Variants in STAT2 observed in about 807,000 individuals in gnomAD.
The protein encoded by STAT2 is interferon alpha induced transcriptional activator.
Under a neutral mutation model 122.3 loss-of-function variants are expected in STAT2, and 51 were observed. The ratio of observed to expected loss-of-function variants is 0.42; its 90% CI spans 0.33 to 0.53. STAT2 has a LOEUF of 0.53. Among genes scored for constraint, STAT2 ranks in the 20% least tolerant of loss-of-function variants. The probability of loss-of-function intolerance (pLI) is 0.10; values close to 1 mark genes in which losing one functional copy is unlikely to be tolerated. For synonymous variants in STAT2, 351 were observed against 394.9 expected, an observed-to-expected ratio of 0.89 and a Z score of 1.32; for missense variants, 736 against 1,010.3, an observed-to-expected ratio of 0.73 and a Z score of 3.68.
At position 56,360,079 on chromosome 12, in the gene STAT2, G is replaced by A. The variant is rs369883664; in HGVS notation, c.-29C>T. 26 of 984,674 alleles carry A rather than the reference G, an allele frequency of 2.6e-5. No homozygotes were observed. The African/African-American group carries it at 4.2e-4, about 16-fold the overall frequency. 61.0% of individuals were successfully genotyped at this position (984,674 alleles called of 1,614,324 possible). Reference sequence around the variant, plus strand: ...GTACCTGATTAGGGTTGCAGTCCCCGCGCCCTCCAATGGCTCTGGTCGCGA... The same window carrying A: ...GTACCTGATTAGGGTTGCAGTCCCCACGCCCTCCAATGGCTCTGGTCGCGA... On this transcript the variant is annotated 5_prime_UTR_variant, in exon 1 of 24. Transcript: ENST00000314128.
At position 56,356,129 on chromosome 12, in the gene STAT2, T is replaced by C; in HGVS notation, c.285+3A>G. 1 of 1,613,466 alleles carries C rather than the reference T, an allele frequency of 6.2e-7. No individual in the cohort carries two copies. The highest frequency in any genetic ancestry group is 8.5e-7 in the Non-Finnish European group (1 of 1,179,596). On this transcript the variant is annotated splice_donor_region_variant and intron_variant, in intron 3 of 23. Transcript: ENST00000314128. ...CCCCATCACTCCCAACCGTTCCAAGTACCTGAATGTCCCGGCAGAATTTCC... is the reference window on the plus strand; with the variant it reads ...CCCCATCACTCCCAACCGTTCCAAGCACCTGAATGTCCCGGCAGAATTTCC...
intron 8 of STAT2, 179 bp downstream of exon 8, chr12:56,354,287 C>G: frequency 2.3e-6 from 2 of 854,236 alleles, no homozygotes; most frequent in Non-Finnish European, 1.7e-6. Context: ...GGAGACTGGG[C>G]TCTGGGCTCC....
At chr12:56,354,161 CCTTT>C (rs1162313681) in intron 8 of STAT2, among the ~76,000 whole-genome samples, 69 of 146,976 alleles carry the variant, frequency 4.7e-4, no homozygotes, top group Non-Finnish European at 1.3e-4. Context: ...TTCCTTCCTT[CCTTT>C]CTTGTCATTG....
chr12:56,345,323 C>T (rs1451071016), intron 22 of STAT2, among the ~76,000 whole-genome samples: 1 of 147,894 alleles, frequency 6.8e-6, no homozygotes, highest in Non-Finnish European at 1.5e-5. Context: ...TACCCCATCC[C>T]TACAAAAAAT....
In STAT2 at chr12:56,354,777, C is replaced by T. The variant is rs770413851; in HGVS notation, c.633+1G>A. On this transcript the variant is annotated splice_donor_variant, in intron 7 of 23. Transcript: ENST00000314128. LOFTEE classifies it high-confidence loss of function. The stretch of plus-strand genomic sequence containing the variant: ...CACATGTTCTGTCCTCTGTCTCCCA[C>T]CTTTCTCCTTTTGTCCAGTTCATTG... 6.2e-7 allele frequency: 1 copy of T among 1,614,182 alleles called. No homozygotes were observed. Among genetic ancestry groups the T allele is most frequent in the South Asian group, 1.1e-5 (1 of 91,084 alleles).
rs1876994012 is a variant in STAT2 at position 56,344,124 on chromosome 12, T to C, written c.2114A>G (p.Glu705Gly). Reference sequence around the variant, plus strand: ...CTTAAGCTCCAGCGGTTGTTGCAGTTCATCCACCTGTCTGGATACCCAAAG... The same window carrying C: ...CTTAAGCTCCAGCGGTTGTTGCAGTCCATCCACCTGTCTGGATACCCAAAG... The part of the protein sequence containing the change: ...LIVVSNRQVD[E>G]LQQPLELKPE... The change falls in exon 23 of 24, where the codon GAA (glutamate) becomes GGA (glycine). Residue 705 changes from glutamate (E) to glycine (G), a missense_variant. Glu to Gly is a moderately conservative substitution (Grantham distance 98). Transcript: ENST00000314128. 6.4e-7 allele frequency: 1 copy of C among 1,555,278 alleles called. No homozygotes were observed. Among genetic ancestry groups the C allele is most frequent in the Non-Finnish European group, 8.7e-7 (1 of 1,147,880 alleles).
intron 22 of STAT2, among the ~76,000 whole-genome samples, chr12:56,345,189 A>AAG (rs1877192419): frequency 6.7e-6 from 1 of 148,470 alleles, no homozygotes; most frequent in Non-Finnish European, 1.5e-5. Flanking sequence ...AAAAAAAAAA[A>AAG]AAAAAAAAAT....
At chr12:56,358,031 G>A (rs11575228) in intron 1 of STAT2, among the ~76,000 whole-genome samples, 1 of 152,240 alleles carries the variant, frequency 6.6e-6, no homozygotes, top group Admixed American at 6.5e-5. Flanking sequence ...ACACACTAGA[G>A]TAGAGTGAAT....
rs1264667516 is a variant in STAT2 at position 56,349,070 on chromosome 12, G to A, written c.1441-11C>T. On this transcript the variant is annotated splice_polypyrimidine_tract_variant and intron_variant, in intron 16 of 23. Transcript: ENST00000314128. ...GAAGAACTGCTGGTTCTGCAGGGGT[G>A]GGAGCAGTGTAGGCTGGCTCAGAAG... 6.2e-7 allele frequency: 1 copy of A among 1,613,190 alleles called. No homozygotes were observed. Among genetic ancestry groups the A allele is most frequent in the South Asian group, 1.1e-5 (1 of 91,004 alleles).
rs763090413 is a variant in STAT2, at chr12:56,350,881, C to G, written c.1042G>C (p.Val348Leu). The change falls in exon 11 of 24, where the codon GTG becomes CTG. Residue 348 changes from valine (V) to leucine (L), a missense_variant. Transcript: ENST00000314128. Reference sequence around the variant, plus strand: ...GACTCATTGCCTTCCTGGAGTCTCACCAGCAGCCTGGGGGAAGGAAGGGGG... The same window carrying G: ...GACTCATTGCCTTCCTGGAGTCTCAGCAGCAGCCTGGGGGAAGGAAGGGGG... ...SKFTVRTRLL[V>L]RLQEGNESLT... The G allele has an allele frequency of 6.2e-7, 1 of 1,613,970 alleles. No homozygotes were observed. The highest frequency in any genetic ancestry group is 1.1e-5 in the South Asian group (1 of 91,066).
Position 56,351,352 on chromosome 12 carries a change from G to C in STAT2, c.881C>G (p.Thr294Ser). Reference sequence around the variant, plus strand: ...GGCGTTGCGTAGGTCCACCCCTTTGGTCAGAGGGTCATCCTGATAGCTAAC... The same window carrying C: ...GGCGTTGCGTAGGTCCACCCCTTTGCTCAGAGGGTCATCCTGATAGCTAAC... The part of the protein sequence containing the change: ...CLVSYQDDPL[T>S]KGVDLRNAQV... Residue 294 changes from threonine to serine, a missense_variant, in exon 9 of 24, where the codon ACC (threonine) becomes AGC (serine). Transcript: ENST00000314128. The C allele has an allele frequency of 6.2e-7, 1 of 1,614,108 alleles. No individual in the cohort carries two copies. Among genetic ancestry groups the C allele is most frequent in the Non-Finnish European group, 8.5e-7 (1 of 1,180,038 alleles).
intron 1 of STAT2, 50 bp downstream of exon 1, chr12:56,360,008 C>G (rs1352070001): frequency 3.4e-5 from 33 of 979,934 alleles, no homozygotes; most frequent in Non-Finnish European, 4.0e-5. Flanking sequence ...CGGAGGAACT[C>G]TCACTCTCAC....
intron 7 of STAT2, 64 bp downstream of exon 7, chr12:56,354,714 G>A (rs770243073): frequency 1.9e-6 from 3 of 1,612,882 alleles, no homozygotes; most frequent in South Asian, 1.1e-5. Flanking sequence ...AGAGGACCAG[G>A]GTCCCCACAT....
chr12:56,354,711 C>A, intron 7 of STAT2, 67 bp downstream of exon 7: 1 of 1,612,976 alleles, frequency 6.2e-7, no homozygotes, highest in South Asian at 1.1e-5. Flanking sequence ...GCTAGAGGAC[C>A]AGGGTCCCCA....
In STAT2 at chr12:56,342,673, G is replaced by C. The variant is rs1187558532; in HGVS notation, c.*716C>G. On this transcript the variant is annotated 3_prime_UTR_variant, in exon 24 of 24. Coordinates refer to ENST00000314128, the MANE Select transcript of STAT2 (RefSeq NM_005419.4). ...CTAAGCATTGAGAAAGTGGAGACTAGGTAGCATAAACTAGTGTGCAAAGCT... is the reference window on the plus strand; with the variant it reads ...CTAAGCATTGAGAAAGTGGAGACTACGTAGCATAAACTAGTGTGCAAAGCT... 6.6e-6 allele frequency: 1 copy of C among 152,254 alleles called. No individual in the cohort carries two copies. The highest frequency in any genetic ancestry group is 1.9e-4 in the East Asian group (1 of 5,180). 9.4% of individuals were successfully genotyped at this position (152,254 alleles called of 1,614,324 possible).
Position 56,347,097 on chromosome 12 carries a change from T to TA in STAT2, c.1725-143dup, listed in dbSNP as rs1470647013. The TA allele has an allele frequency of 1.0e-5, 13 of 1,295,678 alleles. No homozygotes were observed. The African/African-American group carries it at 1.5e-4, about 15-fold the overall frequency. The allele number at this position is 1,295,678 out of a possible 1,614,324, so 80.3% of individuals were successfully genotyped here. A position where few individuals can be genotyped will look rare whatever the true frequency, so the allele number is the denominator to read the frequency against. On this transcript the variant is annotated intron_variant, in intron 19 of 23. Coordinates refer to ENST00000314128, the MANE Select transcript of STAT2 (RefSeq NM_005419.4). ...CAAGCCCTGCCACTTAGCTTTTTTT[T>TA]ATCTTTTACAAGTCACTTCACTTTG...
intron 8 of STAT2, 44 bp from the exon 9 acceptor site, chr12:56,351,494 G>T: frequency 1.3e-6 from 2 of 1,594,702 alleles, no homozygotes; most frequent in African/African-American, 1.3e-5. Context: ...GAGTTTCCTG[G>T]ATTCCCCCAT....
At chr12:56,357,585 T>A (rs1879711610) in intron 1 of STAT2, among the ~76,000 whole-genome samples, 1 of 152,126 alleles carries the variant, frequency 6.6e-6, no homozygotes, top group Non-Finnish European at 1.5e-5. Flanking sequence ...GAACTCGTGA[T>A]CTGCCTACCT....
chr12:56,347,097 T>A (rs1056947634), intron 19 of STAT2, 142 bp from the exon 20 acceptor site: 11 of 1,295,678 alleles, frequency 8.5e-6, no homozygotes, highest in South Asian at 3.1e-5. Flanking sequence ...AGCTTTTTTT[T>A]ATCTTTTACA....
Sources: allele counts gnomAD v4.1 joint callset (sites outside exome capture counted in the v4.1 genomes callset), GRCh38; gene constraint gnomAD v4.1.1; transcripts MANE v1.5; gene names NCBI Gene and HGNC (gene_info 2026-07-23, HGNC 2026-07-21).